The following USP7 variants were observed in gnomAD, a reference collection of about 807,000 sequenced individuals.
The protein encoded by USP7 is ubiquitin C-terminal hydrolase 7.
A neutral mutation model predicts 162.9 loss-of-function variants in USP7; 9 were observed. The ratio of observed to expected loss-of-function variants is 0.06; its 90% CI spans 0.03 to 0.10. USP7 has a LOEUF of 0.10. Among genes scored for constraint, USP7 ranks in the 10% least tolerant of loss-of-function variants. The pLI, the probability that USP7 is intolerant of heterozygous loss-of-function variation, is 1.00. For synonymous variants in USP7, 562 were observed against 475.9 expected (o/e 1.18, Z -2.35); for missense variants, 715 against 1,373.7 (o/e 0.52, Z 7.58).
intron 1 of USP7, among the ~76,000 whole-genome samples, chr16:8,938,763 T>C (rs1168448284): frequency 6.6e-6 from 1 of 152,032 alleles, no homozygotes; most frequent in Non-Finnish European, 1.5e-5. Flanking sequence ...ATGTACAGAT[T>C]TTTTTCTGTG....
At chr16:8,940,605 A>G (rs1159152186) in intron 1 of USP7, among the ~76,000 whole-genome samples, 4 of 152,188 alleles carry the variant, frequency 2.6e-5, no homozygotes. Flanking sequence ...CGAGGCATCC[A>G]CAGAAACAGG....
At chr16:8,921,329 A>ATT in intron 3 of USP7, 34 bp from the exon 4 acceptor site, 1 of 1,601,668 alleles carries the variant, frequency 6.2e-7, no homozygotes, top group Non-Finnish European at 8.5e-7. Context: ...CTTAGTTGAC[A>ATT]TTATTTACCA....
At chr16:8,896,926 A>C in intron 26 of USP7, 73 bp downstream of exon 26, 1 of 1,156,064 alleles carries the variant, frequency 8.7e-7, no homozygotes, top group Non-Finnish European at 1.3e-6. Context: ...ATTTCCACCA[A>C]CGCAACTGCA....
chr16:8,919,549 A>G (rs573771847), intron 5 of USP7, among the ~76,000 whole-genome samples: 1 of 152,080 alleles, frequency 6.6e-6, no homozygotes, highest in African/African-American at 2.4e-5. Context: ...ACACAAGAAG[A>G]AACAGAAGTG....
chr16:8,944,887 C>T (rs1360395234), intron 1 of USP7, among the ~76,000 whole-genome samples: 2 of 143,770 alleles, frequency 1.4e-5, no homozygotes, highest in Non-Finnish European at 3.0e-5. Flanking sequence ...AGGGGCAGAT[C>T]GAATGAGGTC....
intron 1 of USP7, among the ~76,000 whole-genome samples, chr16:8,948,218 C>G (rs1274898579): frequency 6.6e-6 from 1 of 152,208 alleles, no homozygotes; most frequent in Non-Finnish European, 1.5e-5. Context: ...CTCCCTCCCA[C>G]CAGCCCAGGC....
Position 8,910,891 on chromosome 16 carries a change from T to G in USP7, c.1079-64A>C, listed in dbSNP as rs557348360. ...TCATTTATAATGTAGCCAACACAGG[T>G]GTAAGTTATTTAAATCAGCATATTT... is the stretch of plus-strand genomic sequence containing the variant. On this transcript the variant is annotated intron_variant, in intron 10 of 30. Transcript: ENST00000344836. 33 of 1,331,322 alleles carry G rather than the reference T, an allele frequency of 2.5e-5. No homozygotes were observed. In the East Asian group the frequency reaches 7.6e-4, roughly 31 times the overall value. The allele number at this position is 1,331,322 out of a possible 1,614,324, so 82.5% of individuals were successfully genotyped here.
chr16:8,898,693 A>AGTC, intron 23 of USP7, 54 bp from the exon 24 acceptor site: 1 of 1,420,256 alleles, frequency 7.0e-7, no homozygotes, highest in Non-Finnish European at 9.5e-7. Context: ...CCTAAAAACA[A>AGTC]ATATCTGTGA....
At chr16:8,953,049 C>T (rs1899629702) in intron 1 of USP7, among the ~76,000 whole-genome samples, 1 of 152,086 alleles carries the variant, frequency 6.6e-6, no homozygotes, top group African/African-American at 2.4e-5. Context: ...GTTGGTCAGG[C>T]TGGTCTTGAA....
At position 8,905,242 on chromosome 16, in the gene USP7, A is replaced by C. The variant is rs146945749; in HGVS notation, c.1518T>G (p.Ser506=). 6 of 1,614,114 alleles carry C rather than the reference A, an allele frequency of 3.7e-6. No individual in the cohort carries two copies. Among genetic ancestry groups the C allele is most frequent in the Non-Finnish European group, 5.1e-6 (6 of 1,180,042 alleles). ...TGTAAGCATTAGTGCAGTGTCGAAC[A>C]GACAGGTCGTCATCGTGACCCCCAT... ...HNYGGHDDDL[S]VRHCTNAYML... The change falls in exon 14 of 31, where the codon TCT becomes TCG. Residue 506 remains serine (S), a synonymous_variant. Transcript: ENST00000344836.
chr16:8,915,226 C>A (rs2062010232), intron 10 of USP7, 28 bp downstream of exon 10: 1 of 1,534,858 alleles, frequency 6.5e-7, no homozygotes, highest in South Asian at 1.2e-5. Flanking sequence ...ATCAAAAGAT[C>A]ATGCCATTAG....
intron 1 of USP7, among the ~76,000 whole-genome samples, chr16:8,952,504 C>T (rs1360997519): frequency 6.6e-6 from 1 of 152,172 alleles, no homozygotes; most frequent in Non-Finnish European, 1.5e-5. Context: ...TTCCCTGCCG[C>T]TTCCGGGTCC....
Position 8,921,235 on chromosome 16 carries a change from C to T in USP7, c.444G>A (p.Lys148=), listed in dbSNP as rs1282497980. ...AATGACTAATACGACGACTGAACGA[C>T]TTTTCATCATCTCTGTAATTTATTA... ...LKIINYRDDE[K]SFSRRISHLF... Residue 148 remains lysine (K), a synonymous_variant, in exon 4 of 31, where the codon AAG becomes AAA. Coordinates refer to ENST00000344836, the MANE Select transcript of USP7 (RefSeq NM_003470.3). 1 of 1,614,096 alleles carries T rather than the reference C, an allele frequency of 6.2e-7. No homozygotes were observed. Among genetic ancestry groups the T allele is most frequent in the Admixed American group, 1.7e-5 (1 of 60,028 alleles).
At chr16:8,925,965 T>TA (rs1371268099) in intron 2 of USP7, among the ~76,000 whole-genome samples, 1 of 148,928 alleles carries the variant, frequency 6.7e-6, no homozygotes, top group Non-Finnish European at 1.5e-5. Context: ...CCATCCTGGC[T>TA]AACACGGTCA....
intron 1 of USP7, among the ~76,000 whole-genome samples, chr16:8,952,596 C>G (rs1899605389): frequency 6.6e-6 from 1 of 152,178 alleles, no homozygotes; most frequent in Non-Finnish European, 1.5e-5. Flanking sequence ...TGTGAGTACA[C>G]TAGGCCCACC....
intron 1 of USP7, among the ~76,000 whole-genome samples, chr16:8,940,553 G>A (rs1470430706): frequency 1.3e-5 from 2 of 152,178 alleles, no homozygotes; most frequent in Non-Finnish European, 1.5e-5. Flanking sequence ...TACAGCAATG[G>A]CCCCTGCATC....
At position 8,903,269 on chromosome 16, in the gene USP7, A is replaced by G; in HGVS notation, c.1838T>C (p.Met613Thr). Residue 613 changes from methionine (M) to threonine (T), a missense_variant and splice_region_variant, in exon 16 of 31, where the codon ATG (methionine) becomes ACG (threonine). Physicochemically the swap from Met to Thr is moderately conservative, Grantham distance 81. Coordinates refer to ENST00000344836, the MANE Select transcript of USP7 (RefSeq NM_003470.3). Reference sequence around the variant, plus strand: ...TATATCCACGGGACCGGTACGCACCATGGTCTGAGAGAGGCTCTGAACAAA... The same window carrying G: ...TATATCCACGGGACCGGTACGCACCGTGGTCTGAGAGAGGCTCTGAACAAA... ...AEFVQSLSQT[M>T]GFPQDQIRLW... 6.2e-7 allele frequency: 1 copy of G among 1,613,402 alleles called. No individual in the cohort carries two copies. The highest frequency in any genetic ancestry group is 8.5e-7 in the Non-Finnish European group (1 of 1,179,736).
intron 3 of USP7, among the ~76,000 whole-genome samples, chr16:8,922,159 C>G (rs946429203): frequency 1.3e-5 from 2 of 152,248 alleles, no homozygotes; most frequent in African/African-American, 4.8e-5. Context: ...TCCACAGGCC[C>G]TGGCTGCATC....
rs781077969 is a variant in USP7 at position 8,906,487 on chromosome 16, T to C, written c.1367A>G (p.His456Arg). Reference sequence around the variant, plus strand: ...ATGTCCACCATGATTATCTCCACTATGAACCAGGACTGCATGAAGAATATA... The same window carrying C: ...ATGTCCACCATGATTATCTCCACTACGAACCAGGACTGCATGAAGAATATA... Reference protein sequence around the residue: ...ANYILHAVLVHSGDNHGGHYV... With the variant: ...ANYILHAVLVRSGDNHGGHYV... Residue 456 changes from histidine to arginine, a missense_variant, in exon 13 of 31, where the codon CAT (histidine) becomes CGT (arginine). Transcript: ENST00000344836. The C allele has an allele frequency of 6.2e-7, 1 of 1,612,722 alleles. No individual in the cohort carries two copies. Among genetic ancestry groups the C allele is most frequent in the African/African-American group, 1.3e-5 (1 of 74,906 alleles).
Sources: allele counts gnomAD v4.1 joint callset (sites outside exome capture counted in the v4.1 genomes callset), GRCh38; gene constraint gnomAD v4.1.1; transcripts MANE v1.5; gene names NCBI Gene and HGNC (gene_info 2026-07-23, HGNC 2026-07-21).